The following NPR1 variants were observed in gnomAD, a reference collection of about 807,000 sequenced individuals.
The protein encoded by NPR1 is atrial natriuretic peptide receptor 1.
NPR1 carries 57 observed loss-of-function variants against 116.9 expected under a neutral mutation model. The observed-to-expected ratio is 0.49, with a 90% CI of 0.39 to 0.61. The LOEUF (loss-of-function observed/expected upper bound fraction) is 0.61, where lower values mean the gene tolerates loss of function less well. Ranked by LOEUF, NPR1 falls within the 20% of genes least tolerant of loss-of-function variation. The pLI, the probability that NPR1 is intolerant of heterozygous loss-of-function variation, is 0.00. For synonymous variants in NPR1, 555 were observed against 601.6 expected, an observed-to-expected ratio of 0.92 and a Z score of 1.13; for missense variants, 1,096 against 1,409.8, an observed-to-expected ratio of 0.78 and a Z score of 3.56.
intron 20 of NPR1, among the ~76,000 whole-genome samples, chr1:153,691,404 T>C (rs1398488095): frequency 6.6e-6 from 1 of 152,186 alleles, no homozygotes; most frequent in Non-Finnish European, 1.5e-5. Flanking sequence ...CCTGGGATAG[T>C]AACATGGCCC....
intron 20 of NPR1, among the ~76,000 whole-genome samples, chr1:153,692,264 A>G (rs1000607029): frequency 2.0e-5 from 3 of 152,144 alleles, no homozygotes; most frequent in Admixed American, 6.5e-5. Flanking sequence ...AAGCAGAGAG[A>G]ATTTATTTTA....
Position 153,687,341 on chromosome 1 carries a change from C to T in NPR1, c.2077C>T (p.His693Tyr), listed in dbSNP as rs1406139218. 3 of 1,613,958 alleles carry T rather than the reference C, an allele frequency of 1.9e-6. No homozygotes were observed. Among genetic ancestry groups the T allele is most frequent in the Non-Finnish European group, 2.5e-6 (3 of 1,179,980 alleles). ...CAGGGACCTGGACCCAGAGCAAGGA[C>T]ACACCGTTTATGCCAGTGAGCCTTG... ...SFRDLDPEQG[H>Y]TVYAKKLWTA... Residue 693 changes from histidine (H) to tyrosine (Y), a missense_variant, in exon 13 of 22, where the codon CAC becomes TAC. His to Tyr is a moderately conservative substitution (Grantham distance 83, BLOSUM62 2). Coordinates refer to ENST00000368680, the MANE Select transcript of NPR1 (RefSeq NM_000906.4).
At position 153,685,058 on chromosome 1, in the gene NPR1, G is replaced by A. The variant is rs773875580; in HGVS notation, c.1579G>A (p.Ala527Thr). The change falls in exon 8 of 22, where the codon GCA (alanine) becomes ACA (threonine). Residue 527 changes from alanine (A) to threonine (T), a missense_variant. Transcript: ENST00000368680. ...TAGCCTTGAGAGGCACCTGCGGAGT[G>A]CAGGCAGCCGGCTGACCCTGAGCGG... The part of the protein sequence containing the change: ...PSSLERHLRS[A>T]GSRLTLSGRG... The A allele has an allele frequency of 3.1e-6, 5 of 1,613,934 alleles. No individual in the cohort carries two copies. Among genetic ancestry groups the A allele is most frequent in the Admixed American group, 1.7e-5 (1 of 60,002 alleles).
intron 9 of NPR1, 81 bp from the exon 10 acceptor site, chr1:153,686,042 G>C: frequency 6.7e-7 from 1 of 1,491,828 alleles, no homozygotes; most frequent in Non-Finnish European, 9.3e-7. Flanking sequence ...CTGAGGGCAG[G>C]GATGGGCTGT....
Position 153,679,038 on chromosome 1 carries a change from G to C in NPR1, c.-71G>C. ...AGGGACGCGCCTGATGCCTGGGACC[G>C]GCCGCTGAGCCCAAGGGGACCGAGG... On this transcript the variant is annotated 5_prime_UTR_variant, in exon 1 of 22. Coordinates refer to ENST00000368680, the MANE Select transcript of NPR1 (RefSeq NM_000906.4). This position sits in a 1 kb window ranked among gnomAD's most constrained non-coding sequence, Gnocchi z 4.2. 7.3e-7 allele frequency: 1 copy of C among 1,369,926 alleles called. No individual in the cohort carries two copies. The highest frequency in any genetic ancestry group is 9.4e-7 in the Non-Finnish European group (1 of 1,068,788). The allele number at this position is 1,369,926 out of a possible 1,614,324, so 84.9% of individuals were successfully genotyped here.
chr1:153,681,626 T>C, intron 3 of NPR1, 78 bp from the exon 4 acceptor site: 1 of 1,530,562 alleles, frequency 6.5e-7, no homozygotes, highest in South Asian at 1.2e-5. Context: ...TCCCAGTGCC[T>C]CTTGTTCCCT....
At position 153,678,826 on chromosome 1, in the gene NPR1, G is replaced by C; in HGVS notation, c.-283G>C. 1 of 433,216 alleles carries C rather than the reference G, an allele frequency of 2.3e-6. No individual in the cohort carries two copies. The highest frequency in any genetic ancestry group is 5.1e-5 in the South Asian group (1 of 19,504). 26.8% of individuals were successfully genotyped at this position (433,216 alleles called of 1,614,324 possible). On this transcript the variant is annotated 5_prime_UTR_variant, in exon 1 of 22. Coordinates refer to ENST00000368680, the MANE Select transcript of NPR1 (RefSeq NM_000906.4). This position sits in a 1 kb window ranked among gnomAD's most constrained non-coding sequence, Gnocchi z 5.8. Reference sequence around the variant, plus strand: ...CTCTCTCTCTCTCTCTAACACGCACGCACACTCCCAGTTGTTCACACTCGG... The same window carrying C: ...CTCTCTCTCTCTCTCTAACACGCACCCACACTCCCAGTTGTTCACACTCGG...
Position 153,689,623 on chromosome 1 carries a change from C to A in NPR1, c.2757+102C>A. On this transcript the variant is annotated intron_variant, in intron 18 of 21. Transcript: ENST00000368680. This position sits in a 1 kb window ranked among gnomAD's most constrained non-coding sequence, Gnocchi z 5.1. ...GATGTGGAGTCTTAAGAGAGGAGAT[C>A]GGGGACACGGGCAGAGACAGTGACA... The A allele has an allele frequency of 7.7e-7, 1 of 1,292,766 alleles. No homozygotes were observed. The highest frequency in any genetic ancestry group is 1.1e-6 in the Non-Finnish European group (1 of 903,792). 80.1% of individuals were successfully genotyped at this position (1,292,766 alleles called of 1,614,324 possible).
Position 153,686,737 on chromosome 1 carries a change from G to T in NPR1, c.1850G>T (p.Arg617Leu). 1.2e-6 allele frequency: 2 copies of T among 1,613,776 alleles called. No homozygotes were observed. Among genetic ancestry groups the T allele is most frequent in the Non-Finnish European group, 1.7e-6 (2 of 1,179,760 alleles). ...TGCATCCTCACAGAGTACTGTCCCC[G>T]TGGGAGCCTGCAGGTGAGGGGGACA... ...NICILTEYCPRGSLQDILENE... is the reference protein window; with the variant it reads ...NICILTEYCPLGSLQDILENE... The change falls in exon 11 of 22, where the codon CGT becomes CTT. Residue 617 changes from arginine (R) to leucine (L), a missense_variant. Arg to Leu is a moderately radical substitution (Grantham distance 102, BLOSUM62 -2). Coordinates refer to ENST00000368680, the MANE Select transcript of NPR1 (RefSeq NM_000906.4).
intron 3 of NPR1, 80 bp from the exon 4 acceptor site, chr1:153,681,624 C>T (rs1557960705): frequency 6.7e-7 from 1 of 1,494,832 alleles, no homozygotes; most frequent in Non-Finnish European, 9.1e-7. Flanking sequence ...AATCCCAGTG[C>T]CTCTTGTTCC....
At position 153,684,955 on chromosome 1, in the gene NPR1, G is replaced by A. The variant is rs372971579; in HGVS notation, c.1485-9G>A. The A allele has an allele frequency of 4.0e-5, 64 of 1,613,926 alleles. No individual in the cohort carries two copies. Among genetic ancestry groups the A allele is most frequent in the Admixed American group, 2.0e-4 (12 of 60,010 alleles). ...AGCCACAGGCTCAGATGCAGCCTTCGTATCCCAGGAAGATGCAGCTGGAGA... is the reference window on the plus strand; with the variant it reads ...AGCCACAGGCTCAGATGCAGCCTTCATATCCCAGGAAGATGCAGCTGGAGA... On this transcript the variant is annotated splice_polypyrimidine_tract_variant and intron_variant, in intron 7 of 21. Transcript: ENST00000368680.
At position 153,687,020 on chromosome 1, in the gene NPR1, T is replaced by C. The variant is rs983041221; in HGVS notation, c.1868T>C (p.Ile623Thr). 1 of 1,614,108 alleles carries C rather than the reference T, an allele frequency of 6.2e-7. No homozygotes were observed. Among genetic ancestry groups the C allele is most frequent in the Admixed American group, 1.7e-5 (1 of 60,014 alleles). Reference sequence around the variant, plus strand: ...TGACTCTTATTGCCCCAGCAGGACATTCTGGAGAATGAGAGCATCACCCTG... The same window carrying C: ...TGACTCTTATTGCCCCAGCAGGACACTCTGGAGAATGAGAGCATCACCCTG... ...EYCPRGSLQD[I>T]LENESITLDW... Residue 623 changes from isoleucine to threonine, a missense_variant, in exon 12 of 22, where the codon ATT becomes ACT. Physicochemically the swap from Ile to Thr is moderately conservative, Grantham distance 89. Coordinates refer to ENST00000368680, the MANE Select transcript of NPR1 (RefSeq NM_000906.4).
intron 11 of NPR1, 41 bp from the exon 12 acceptor site, chr1:153,686,975 G>C (rs1295045497): frequency 1.2e-6 from 2 of 1,603,512 alleles, no homozygotes; most frequent in Admixed American, 3.3e-5. Context: ...ACTCCCAGGG[G>C]GATCTGCAGG....
chr1:153,685,915 T>C, intron 9 of NPR1, 35 bp downstream of exon 9: 2 of 1,585,600 alleles, frequency 1.3e-6, no homozygotes, highest in Non-Finnish European at 1.7e-6. Flanking sequence ...GCCTTGGGAC[T>C]GGGGCAGGAG....
At position 153,687,376 on chromosome 1, in the gene NPR1, C is replaced by T. The variant is rs779986489; in HGVS notation, c.2092+20C>T. 2.5e-6 allele frequency: 4 copies of T among 1,612,190 alleles called. No homozygotes were observed. Among genetic ancestry groups the T allele is most frequent in the East Asian group, 2.2e-5 (1 of 44,852 alleles). On this transcript the variant is annotated intron_variant, in intron 13 of 21. Coordinates refer to ENST00000368680, the MANE Select transcript of NPR1 (RefSeq NM_000906.4). ...ATGCCAGTGAGCCTTGACTCTTGAACCTAACACCTGCCCCCAGCACCACCC... is the reference window on the plus strand; with the variant it reads ...ATGCCAGTGAGCCTTGACTCTTGAATCTAACACCTGCCCCCAGCACCACCC...
Position 153,686,729 on chromosome 1 carries a change from C to T in NPR1, c.1842C>T (p.Tyr614=), listed in dbSNP as rs1669938998. The change falls in exon 11 of 22, where the codon TAC becomes TAT. Residue 614 remains tyrosine (Y), a synonymous_variant. Coordinates refer to ENST00000368680, the MANE Select transcript of NPR1 (RefSeq NM_000906.4). ...DPPNICILTE[Y]CPRGSLQDIL... The stretch of plus-strand genomic sequence containing the variant: ...CCAATATCTGCATCCTCACAGAGTA[C>T]TGTCCCCGTGGGAGCCTGCAGGTGA... 5.6e-6 allele frequency: 9 copies of T among 1,613,950 alleles called. No individual in the cohort carries two copies. In the East Asian group the frequency reaches 2.0e-4, roughly 36 times the overall value.
intron 13 of NPR1, 93 bp from the exon 14 acceptor site, chr1:153,687,541 G>A (rs983476721): frequency 6.7e-7 from 1 of 1,493,336 alleles, no homozygotes; most frequent in Non-Finnish European, 9.0e-7. Context: ...ACTCTGTGAT[G>A]CATCCAGATC....
chr1:153,689,106 GC>G lies in NPR1; in HGVS notation c.2564+9del. The G allele has an allele frequency of 6.2e-7, 1 of 1,614,132 alleles. No individual in the cohort carries two copies. The highest frequency in any genetic ancestry group is 8.5e-7 in the Non-Finnish European group (1 of 1,179,990). On this transcript the variant is annotated splice_region_variant and intron_variant, in intron 16 of 21. Coordinates refer to ENST00000368680, the MANE Select transcript of NPR1 (RefSeq NM_000906.4). The surrounding 1 kb of genome is among the most constrained non-coding windows in gnomAD (Gnocchi z 5.1). Reference sequence around the variant, plus strand: ...TCTACCAGATCCTGCCTCAGTGAGTGCCTGAGTCTGGGGACCCCCCCCAACA... The same window carrying G: ...TCTACCAGATCCTGCCTCAGTGAGTGCTGAGTCTGGGGACCCCCCCCAACA...
chr1:153,685,639 G>A (rs1033306007), intron 8 of NPR1, among the ~76,000 whole-genome samples, 167 bp from the exon 9 acceptor site: 3 of 151,932 alleles, frequency 2.0e-5, no homozygotes, highest in Non-Finnish European at 4.4e-5. Context: ...ACTCCAGCCT[G>A]GATGACACAA....
Sources: allele counts gnomAD v4.1 joint callset (sites outside exome capture counted in the v4.1 genomes callset), GRCh38; gene constraint gnomAD v4.1.1; non-coding constraint Gnocchi (gnomAD v3.1); transcripts MANE v1.5; gene names NCBI Gene and HGNC (gene_info 2026-07-23, HGNC 2026-07-21).